Variants in OVOL2 observed in about 807,000 individuals in gnomAD.
OVOL2 encodes the protein transcription factor Ovo-like 2.
In OVOL2, 13 loss-of-function variants were observed where a neutral mutation model predicts 18.1. That is an observed-to-expected ratio of 0.72 (90% CI 0.47 to 1.14). The LOEUF is 1.14. OVOL2 is among the 50% of genes most tolerant of loss of function. The pLI is 0.00. For synonymous variants in OVOL2, 166 were observed against 162.7 expected, an observed-to-expected ratio of 1.02 and a Z score of -0.16; for missense variants, 335 against 383.0, an observed-to-expected ratio of 0.87 and a Z score of 1.05.
At chr20:18,026,539 G>A (rs774003760) in intron 3 of OVOL2, among the ~76,000 whole-genome samples, 6 of 151,956 alleles carry the variant, frequency 3.9e-5, no homozygotes, top group Non-Finnish European at 5.9e-5. Flanking sequence ...CCGCCACCAC[G>A]CCCAGCTAAT....
In OVOL2 at chr20:18,057,743, G is replaced by A; in HGVS notation, c.-109C>T. ...CCCGGCGGCCAGAGCCCACCTTCCC[G>A]CCTCGCCTGCCCTCTTCCTCCACCC... On this transcript the variant is annotated 5_prime_UTR_variant, in exon 1 of 4. Coordinates refer to ENST00000278780, the MANE Select transcript of OVOL2 (RefSeq NM_021220.4). The surrounding 1 kb of genome is among the most constrained non-coding windows in gnomAD (Gnocchi z 6.3). 1 of 1,440,504 alleles carries A rather than the reference G, an allele frequency of 6.9e-7. No individual in the cohort carries two copies. Among genetic ancestry groups the A allele is most frequent in the Non-Finnish European group, 9.1e-7 (1 of 1,101,890 alleles). The allele number at this position is 1,440,504 out of a possible 1,614,324, so 89.2% of individuals were successfully genotyped here.
chr20:18,037,092 C>T (rs6111802), intron 3 of OVOL2, among the ~76,000 whole-genome samples: 17,341 of 147,978 alleles, frequency 0.12, 1,160 homozygotes, highest in Middle Eastern at 0.19. Context: ...GCCGAGATCG[C>T]GCCACCGCAC....
chr20:18,056,207 T>TTCA lies in OVOL2; in HGVS notation c.321+449_321+450insTGA. Reference sequence around the variant, plus strand: ...AGGTCCAGAACATAAGCATGGGGGGTGAACTCTCAGAATCGCGGCGCCAGG... The same window carrying TTCA: ...AGGTCCAGAACATAAGCATGGGGGGTTCAGAACTCTCAGAATCGCGGCGCCAGG... On this transcript the variant is annotated intron_variant, in intron 2 of 3. Coordinates refer to ENST00000278780, the MANE Select transcript of OVOL2 (RefSeq NM_021220.4). This position sits in a 1 kb window ranked among gnomAD's most constrained non-coding sequence, Gnocchi z 4.2. Among the ~76,000 whole-genome samples, 1 of 151,386 alleles carries TTCA rather than the reference T, an allele frequency of 6.6e-6. No homozygotes were observed. Among genetic ancestry groups the TTCA allele is most frequent in the Non-Finnish European group, 1.5e-5 (1 of 67,890 alleles).
Position 18,029,670 on chromosome 20 carries a change from C to T in OVOL2, c.512-4718G>A, listed in dbSNP as rs896653413. On this transcript the variant is annotated intron_variant, in intron 3 of 3. Transcript: ENST00000278780. ...TGGGCAGTGTAATGACAATGAATCT[C>T]CCACCTTTTCTCTTAAAACTATTCT... is the stretch of plus-strand genomic sequence containing the variant. Among the ~76,000 whole-genome samples the T allele has an allele frequency of 8.5e-5, 13 of 152,062 alleles. No homozygotes were observed. In the South Asian group the frequency reaches 1.0e-3, roughly 12 times the overall value.
chr20:18,032,636 A>G (rs1352598267), intron 3 of OVOL2, among the ~76,000 whole-genome samples: 1 of 152,036 alleles, frequency 6.6e-6, no homozygotes, highest in East Asian at 1.9e-4. Flanking sequence ...CCTCCTGAGT[A>G]GCTGGGATTA....
chr20:18,057,577 C>T lies in OVOL2; in HGVS notation c.58G>A (p.Asp20Asn), dbSNP rs1406291923. 3 of 1,597,512 alleles carry T rather than the reference C, an allele frequency of 1.9e-6. No individual in the cohort carries two copies. The highest frequency in any genetic ancestry group is 2.6e-6 in the Non-Finnish European group (3 of 1,171,930). ...RSLGVSVRSW[D>N]ELPDEKRADT... ...GCCCTTTTCTCATCCGGGAGCTCAT[C>T]CCAGCTGCGGACCGAGACCCCCAGG... Residue 20 changes from aspartate to asparagine, a missense_variant, in exon 1 of 4, where the codon GAT becomes AAT. Asp to Asn is a conservative substitution (Grantham distance 23). Coordinates refer to ENST00000278780, the MANE Select transcript of OVOL2 (RefSeq NM_021220.4). This position sits in a 1 kb window ranked among gnomAD's most constrained non-coding sequence, Gnocchi z 6.3.
chr20:18,051,914 T>G, intron 2 of OVOL2, among the ~76,000 whole-genome samples: 1 of 152,166 alleles, frequency 6.6e-6, no homozygotes, highest in South Asian at 2.1e-4. Flanking sequence ...TTTTGTATTT[T>G]TTTTTAATAG....
At chr20:18,031,743 T>C (rs1013633696) in intron 3 of OVOL2, among the ~76,000 whole-genome samples, 2 of 152,254 alleles carry the variant, frequency 1.3e-5, no homozygotes, top group African/African-American at 4.8e-5. Context: ...GAGGGGGGAC[T>C]GCTTTCGCCG....
intron 3 of OVOL2, among the ~76,000 whole-genome samples, chr20:18,030,233 A>G (rs2036556041): frequency 6.6e-6 from 1 of 152,214 alleles, no homozygotes; most frequent in Non-Finnish European, 1.5e-5. Flanking sequence ...GGGCCCATGC[A>G]GCAGCGAGCA....
chr20:18,057,457 G>T lies in OVOL2; in HGVS notation c.100+78C>A. The T allele has an allele frequency of 6.8e-7, 1 of 1,480,326 alleles. No homozygotes were observed. The highest frequency in any genetic ancestry group is 9.1e-7 in the Non-Finnish European group (1 of 1,096,414). The allele number at this position is 1,480,326 out of a possible 1,614,324, so 91.7% of individuals were successfully genotyped here. On this transcript the variant is annotated intron_variant, in intron 1 of 3. Coordinates refer to ENST00000278780, the MANE Select transcript of OVOL2 (RefSeq NM_021220.4). This position sits in a 1 kb window ranked among gnomAD's most constrained non-coding sequence, Gnocchi z 6.3. ...ATGAGGTGGGGAGCCCGCCCCTGCC[G>T]ATGAGCAGAGAAGACCCGCCACCCC... is the stretch of plus-strand genomic sequence containing the variant.
intron 2 of OVOL2, among the ~76,000 whole-genome samples, chr20:18,042,730 C>T (rs1392703656): frequency 8.3e-6 from 1 of 120,636 alleles, no homozygotes; most frequent in Non-Finnish European, 1.7e-5. Context: ...GAGCCAAGAT[C>T]GGGCTATTGC....
intron 2 of OVOL2, among the ~76,000 whole-genome samples, chr20:18,044,184 T>C (rs2036703069): frequency 6.6e-6 from 1 of 152,144 alleles, no homozygotes; most frequent in Non-Finnish European, 1.5e-5. Flanking sequence ...GGAGGTCTGG[T>C]AGGGTCTGAT....
At chr20:18,050,357 C>T (rs2036761694) in intron 2 of OVOL2, among the ~76,000 whole-genome samples, 1 of 152,190 alleles carries the variant, frequency 6.6e-6, no homozygotes, top group Non-Finnish European at 1.5e-5. Flanking sequence ...GGGCAGCCAT[C>T]GAGGTGGCAG....
At chr20:18,032,499 T>TTTA (rs111565839) in intron 3 of OVOL2, among the ~76,000 whole-genome samples, 20,689 of 150,960 alleles carry the variant, frequency 0.14, 1,553 homozygotes, top group South Asian at 0.21. Context: ...CATGATTTCT[T>TTTA]TTATTATTAT....
intron 3 of OVOL2, among the ~76,000 whole-genome samples, chr20:18,032,201 G>A (rs1413714153): frequency 1.3e-5 from 2 of 151,262 alleles, no homozygotes; most frequent in Non-Finnish European, 2.9e-5. Context: ...TGAAAGAAAG[G>A]AAAGAAGGAA....
chr20:18,048,889 G>A (rs1387438091), intron 2 of OVOL2, among the ~76,000 whole-genome samples: 1 of 151,918 alleles, frequency 6.6e-6, no homozygotes, highest in Non-Finnish European at 1.5e-5. Context: ...TAATTATAAG[G>A]TACTGCTCCA....
chr20:18,053,129 G>C (rs1249928538), intron 2 of OVOL2, among the ~76,000 whole-genome samples: 2 of 152,160 alleles, frequency 1.3e-5, no homozygotes, highest in Non-Finnish European at 2.9e-5. Context: ...CTGCACCTCG[G>C]ACTCCTTTTC....
rs2036490501 is a variant in OVOL2, at chr20:18,024,515, A to T, written c.*121T>A. Reference sequence around the variant, plus strand: ...ACCCTACTGCTGATGTTTCAAAAGGACACAGAGGTGAACTGGTCACTTCTA... The same window carrying T: ...ACCCTACTGCTGATGTTTCAAAAGGTCACAGAGGTGAACTGGTCACTTCTA... On this transcript the variant is annotated 3_prime_UTR_variant, in exon 4 of 4. Transcript: ENST00000278780. The T allele has an allele frequency of 1.4e-6, 2 of 1,446,352 alleles. No homozygotes were observed. The highest frequency in any genetic ancestry group is 1.8e-6 in the Non-Finnish European group (2 of 1,098,918). The allele number at this position is 1,446,352 out of a possible 1,614,324, so 89.6% of individuals were successfully genotyped here. A position where few individuals can be genotyped will look rare whatever the true frequency, so the allele number is the denominator to read the frequency against.
intron 3 of OVOL2, among the ~76,000 whole-genome samples, chr20:18,030,873 G>A (rs1402487943): frequency 3.3e-5 from 5 of 152,146 alleles, no homozygotes; most frequent in Admixed American, 3.3e-4. Flanking sequence ...ACTGGTGCGG[G>A]CACTGCCATG....
Sources: allele counts gnomAD v4.1 joint callset (sites outside exome capture counted in the v4.1 genomes callset), GRCh38; gene constraint gnomAD v4.1.1; non-coding constraint Gnocchi (gnomAD v3.1); transcripts MANE v1.5; gene names NCBI Gene and HGNC (gene_info 2026-07-23, HGNC 2026-07-21).